VPS35: variants seen among roughly 807,000 people sequenced by gnomAD.
VPS35 encodes vacuolar protein sorting-associated protein 35.
In VPS35, 21 loss-of-function variants were observed where a neutral mutation model predicts 98.1. That is an observed-to-expected ratio of 0.21 (90% CI 0.15 to 0.31). The LOEUF (loss-of-function observed/expected upper bound fraction) is 0.31, where lower values mean the gene tolerates loss of function less well. Among genes scored for constraint, VPS35 ranks in the 10% least tolerant of loss-of-function variants. The pLI is 1.00. For synonymous variants in VPS35, 268 were observed against 318.2 expected (o/e 0.84, Z 1.68); for missense variants, 554 against 950.8 (o/e 0.58, Z 5.49).
chr16:46,688,771 G>A, intron 1 of VPS35: 2 of 1,251,400 alleles, frequency 1.6e-6, no homozygotes, highest in Non-Finnish European at 2.0e-6. Context: ...GCGCCCCGGG[G>A]GCCAGACGCT....
chr16:46,665,337 T>G (rs1473238601), intron 13 of VPS35, among the ~76,000 whole-genome samples: 1 of 152,250 alleles, frequency 6.6e-6, no homozygotes, highest in African/African-American at 2.4e-5. Context: ...CTCATGCCTG[T>G]AATCCCAACA....
chr16:46,664,320 C>A (rs949029526), intron 13 of VPS35, among the ~76,000 whole-genome samples: 2 of 151,828 alleles, frequency 1.3e-5, no homozygotes, highest in Non-Finnish European at 2.9e-5. Context: ...CCACGCCCTG[C>A]TATTTTTTGT....
intron 13 of VPS35, among the ~76,000 whole-genome samples, chr16:46,665,207 C>T (rs549442836): frequency 3.9e-5 from 6 of 152,286 alleles, no homozygotes; most frequent in African/African-American, 1.2e-4. Flanking sequence ...TTAAAAGGTT[C>T]GCTGTTGTAA....
chr16:46,664,879 T>C (rs372797108), intron 13 of VPS35, among the ~76,000 whole-genome samples: 7 of 152,242 alleles, frequency 4.6e-5, no homozygotes, highest in African/African-American at 1.4e-4. Flanking sequence ...ATCATTTTAA[T>C]GACTAGAAAA....
intron 15 of VPS35, 146 bp downstream of exon 15, chr16:46,662,097 G>T: frequency 6.9e-7 from 1 of 1,444,778 alleles, no homozygotes; most frequent in Non-Finnish European, 9.5e-7. Flanking sequence ...ACTACAGGAT[G>T]AGACTCTCTT....
intron 1 of VPS35, among the ~76,000 whole-genome samples, chr16:46,686,708 T>C (rs2143009487): frequency 6.6e-6 from 1 of 152,352 alleles, no homozygotes; most frequent in South Asian, 2.1e-4. Flanking sequence ...CACGCTATCA[T>C]TAAACACAAG....
Position 46,679,052 on chromosome 16 carries a change from C to T in VPS35, c.611G>A (p.Arg204Gln). Residue 204 changes from arginine to glutamine, a missense_variant, in exon 6 of 17, where the codon CGA becomes CAA. Coordinates refer to ENST00000299138, the MANE Select transcript of VPS35 (RefSeq NM_018206.6). Reference protein sequence around the residue: ...WVRMQHQGHSRDREKRERERQ... With the variant: ...WVRMQHQGHSQDREKRERERQ... Reference sequence around the variant, plus strand: ...TTCTCGTTCTCTTTTTTCTCTATCTCGGCTATGTCCCTGATGCTGCATTCG... The same window carrying T: ...TTCTCGTTCTCTTTTTTCTCTATCTTGGCTATGTCCCTGATGCTGCATTCG... 1 of 1,614,096 alleles carries T rather than the reference C, an allele frequency of 6.2e-7. No homozygotes were observed. Among genetic ancestry groups the T allele is most frequent in the Non-Finnish European group, 8.5e-7 (1 of 1,180,018 alleles).
Position 46,662,496 on chromosome 16 carries a change from A to G in VPS35, c.1828-14T>C, listed in dbSNP as rs1329036760. 6.2e-7 allele frequency: 1 copy of G among 1,613,238 alleles called. No homozygotes were observed. Among genetic ancestry groups the G allele is most frequent in the Admixed American group, 1.7e-5 (1 of 60,024 alleles). On this transcript the variant is annotated splice_polypyrimidine_tract_variant and intron_variant, in intron 14 of 16. Transcript: ENST00000299138. Reference sequence around the variant, plus strand: ...CAGAGAAAATGCCTAGTGAACATAAAGCAGAAAGGACTTTCAAGGACCAAC... The same window carrying G: ...CAGAGAAAATGCCTAGTGAACATAAGGCAGAAAGGACTTTCAAGGACCAAC...
Position 46,663,468 on chromosome 16 carries a change from G to A in VPS35, c.1648-306C>T, listed in dbSNP as rs1416028685. Among the ~76,000 whole-genome samples the A allele has an allele frequency of 4.6e-5, 7 of 152,060 alleles. No individual in the cohort carries two copies. The East Asian group carries it at 7.7e-4, about 17-fold the overall frequency. ...ACAATCTTGGCTCACTGCAACCTCC[G>A]TCTCCTGGATTCAAGTGATTCTCCT... On this transcript the variant is annotated intron_variant, in intron 13 of 16. Coordinates refer to ENST00000299138, the MANE Select transcript of VPS35 (RefSeq NM_018206.6).
chr16:46,686,197 G>A (rs1237506131), intron 1 of VPS35, among the ~76,000 whole-genome samples: 2 of 151,964 alleles, frequency 1.3e-5, no homozygotes, highest in Non-Finnish European at 2.9e-5. Context: ...CATCCATGTT[G>A]CAGTATGTGC....
intron 1 of VPS35, among the ~76,000 whole-genome samples, chr16:46,684,993 T>C (rs561501320): frequency 6.6e-6 from 1 of 152,280 alleles, no homozygotes; most frequent in South Asian, 2.1e-4. Flanking sequence ...GAACAGAAAG[T>C]AGACTGATGA....
At chr16:46,664,987 T>C (rs944242288) in intron 13 of VPS35, among the ~76,000 whole-genome samples, 2 of 152,226 alleles carry the variant, frequency 1.3e-5, no homozygotes, top group Admixed American at 6.5e-5. Flanking sequence ...CTAAGCTTTA[T>C]TGAGACCCTA....
chr16:46,688,313 C>T (rs1389804022), intron 1 of VPS35: 6 of 986,878 alleles, frequency 6.1e-6, no homozygotes, highest in Non-Finnish European at 6.0e-6. Flanking sequence ...TGACAACTTG[C>T]CTTTGTGGGA....
At chr16:46,677,780 T>G (rs1407524902) in intron 6 of VPS35, 7 of 233,882 alleles carry the variant, frequency 3.0e-5, no homozygotes, top group Non-Finnish European at 5.1e-5. Flanking sequence ...AAGTGATCCA[T>G]CTGCCTTGGC....
chr16:46,683,690 C>T (rs1371208869), intron 1 of VPS35, 84 bp from the exon 2 acceptor site: 2 of 1,345,806 alleles, frequency 1.5e-6, no homozygotes, highest in Non-Finnish European at 2.1e-6. Context: ...CATAGTCCTT[C>T]TCCAACAATG....
chr16:46,687,430 A>C (rs1029212563), intron 1 of VPS35, among the ~76,000 whole-genome samples: 1 of 152,196 alleles, frequency 6.6e-6, no homozygotes, highest in African/African-American at 2.4e-5. Flanking sequence ...GGCTTCATCT[A>C]TTAGCAATAC....
At chr16:46,683,819 G>A (rs985847904) in intron 1 of VPS35, among the ~76,000 whole-genome samples, 1 of 152,084 alleles carries the variant, frequency 6.6e-6, no homozygotes, top group African/African-American at 2.4e-5. Context: ...CCGCCTCCCG[G>A]GTTCAAGCCA....
intron 13 of VPS35, among the ~76,000 whole-genome samples, chr16:46,664,801 G>A (rs144341054): frequency 8.5e-5 from 13 of 152,272 alleles, no homozygotes; most frequent in Admixed American, 3.3e-4. Flanking sequence ...GATTACAGGC[G>A]TGAGCCACTG....
At chr16:46,674,775 TTTTTGTTTTTTTTG>T in intron 8 of VPS35, 115 bp from the exon 9 acceptor site, 1 of 986,524 alleles carries the variant, frequency 1.0e-6, no homozygotes, top group South Asian at 1.5e-5. Context: ...GCCCAAAAGG[TTTTTGTTTTTTTTG>T]TTTTGTTTTG....
Sources: allele counts gnomAD v4.1 joint callset (sites outside exome capture counted in the v4.1 genomes callset), GRCh38; gene constraint gnomAD v4.1.1; transcripts MANE v1.5; gene names NCBI Gene and HGNC (gene_info 2026-07-23, HGNC 2026-07-21).